The following KSR2 variants were observed in gnomAD, a reference collection of about 807,000 sequenced individuals.
The protein encoded by KSR2 is kinase suppressor of ras 2.
KSR2 carries 25 observed loss-of-function variants against 107.8 expected under a neutral mutation model. The ratio of observed to expected loss-of-function variants is 0.23; its 90% CI spans 0.17 to 0.32. KSR2 has a LOEUF of 0.32. Ranked by LOEUF, KSR2 falls within the 10% of genes least tolerant of loss-of-function variation. The probability of loss-of-function intolerance (pLI) is 1.00; values close to 1 mark genes in which losing one functional copy is unlikely to be tolerated. For synonymous variants in KSR2, 480 were observed against 507.0 expected, an observed-to-expected ratio of 0.95 and a Z score of 0.71; for missense variants, 887 against 1,268.9, an observed-to-expected ratio of 0.70 and a Z score of 4.57.
At chr12:117,798,353 C>T (rs780860673) in intron 3 of KSR2, among the ~76,000 whole-genome samples, 6 of 152,222 alleles carry the variant, frequency 3.9e-5, no homozygotes, top group Admixed American at 6.5e-5. Flanking sequence ...ACAGAGGAAG[C>T]TGGGTGTGGT....
chr12:117,837,409 G>A (rs945554669), intron 3 of KSR2, among the ~76,000 whole-genome samples: 2 of 152,180 alleles, frequency 1.3e-5, no homozygotes, highest in Non-Finnish European at 2.9e-5. Flanking sequence ...AGCTTATCGG[G>A]CAGCGCCTCC....
chr12:117,949,865 G>C (rs2137565066), intron 1 of KSR2, among the ~76,000 whole-genome samples: 1 of 152,200 alleles, frequency 6.6e-6, no homozygotes, highest in Non-Finnish European at 1.5e-5. Flanking sequence ...CTTAAGATCT[G>C]TGTGTTTCAC....
chr12:117,566,735 A>G (rs1487173871), intron 7 of KSR2, among the ~76,000 whole-genome samples: 1 of 152,196 alleles, frequency 6.6e-6, no homozygotes, highest in Non-Finnish European at 1.5e-5. Context: ...GCCAAGGGCT[A>G]TGCTAGGCAC....
intron 1 of KSR2, among the ~76,000 whole-genome samples, chr12:117,906,975 G>A (rs1894873975): frequency 6.6e-6 from 1 of 151,682 alleles, no homozygotes; most frequent in African/African-American, 2.4e-5. Flanking sequence ...AGCCATGATC[G>A]CACCACTGCA....
intron 5 of KSR2, among the ~76,000 whole-genome samples, chr12:117,601,405 T>A (rs1013175901): frequency 1.3e-5 from 2 of 152,024 alleles, no homozygotes; most frequent in Non-Finnish European, 2.9e-5. Context: ...TTTGCAGATA[T>A]AATCAAGTTA....
chr12:117,772,661 C>T (rs1454471465), intron 3 of KSR2, among the ~76,000 whole-genome samples: 1 of 148,394 alleles, frequency 6.7e-6, no homozygotes, highest in Non-Finnish European at 1.5e-5. Flanking sequence ...CACCATTCTC[C>T]CAAAGATGCA....
At chr12:117,725,976 G>T (rs894523409) in intron 4 of KSR2, among the ~76,000 whole-genome samples, 9 of 152,046 alleles carry the variant, frequency 5.9e-5, no homozygotes, top group African/African-American at 1.7e-4. Flanking sequence ...AAACTAGCCT[G>T]CCCAACATGG....
rs752197780 is a variant in KSR2 at position 117,582,409 on chromosome 12, T to C, written c.1172-50A>G. ...TTACACAGAGGGTCAGAGACTGGGG[T>C]GGGCTCTGGCAAGGCCTGGAAGGAA... is the stretch of plus-strand genomic sequence containing the variant. On this transcript the variant is annotated intron_variant, in intron 5 of 19. Coordinates refer to ENST00000339824, the MANE Select transcript of KSR2 (RefSeq NM_173598.6). The C allele has an allele frequency of 4.2e-6, 6 of 1,445,388 alleles. No homozygotes were observed. In the East Asian group the frequency reaches 1.4e-4, roughly 33 times the overall value. The allele number at this position is 1,445,388 out of a possible 1,614,324, so 89.5% of individuals were successfully genotyped here.
chr12:117,582,858 T>TG (rs1879752331), intron 5 of KSR2, among the ~76,000 whole-genome samples: 1 of 152,138 alleles, frequency 6.6e-6, no homozygotes, highest in Non-Finnish European at 1.5e-5. Context: ...AAAGTTAGAG[T>TG]GCAGTGGATT....
chr12:117,963,776 T>C (rs899986473), intron 1 of KSR2, among the ~76,000 whole-genome samples: 4 of 152,148 alleles, frequency 2.6e-5, no homozygotes, highest in African/African-American at 9.7e-5. Context: ...GGCTACCAGG[T>C]ACCCTCCATT....
At chr12:117,607,673 A>AGGG (rs1157406739) in intron 5 of KSR2, among the ~76,000 whole-genome samples, 4 of 145,698 alleles carry the variant, frequency 2.7e-5, no homozygotes, top group East Asian at 4.8e-4. Flanking sequence ...AGAGGAGAGG[A>AGGG]GAGGAGAGGA....
At chr12:117,679,816 G>A (rs2136530504) in intron 4 of KSR2, among the ~76,000 whole-genome samples, 1 of 152,300 alleles carries the variant, frequency 6.6e-6, no homozygotes, top group Middle Eastern at 3.4e-3. Flanking sequence ...GGTTCTAGAA[G>A]AACTATGGGC....
In KSR2 at chr12:117,655,038, C is replaced by T. The variant is rs184338077; in HGVS notation, c.1171+12436G>A. Among the ~76,000 whole-genome samples the T allele has an allele frequency of 5.3e-5, 8 of 152,276 alleles. No homozygotes were observed. In the South Asian group the frequency reaches 6.2e-4, roughly 12 times the overall value. On this transcript the variant is annotated intron_variant, in intron 5 of 19. Transcript: ENST00000339824. ...GCAGCAGAGACCAACACTGAGCCCTCGATATGTCACCATTCCTCAGGGTGA... is the reference window on the plus strand; with the variant it reads ...GCAGCAGAGACCAACACTGAGCCCTTGATATGTCACCATTCCTCAGGGTGA...
chr12:117,453,837 A>G lies in KSR2; in HGVS notation c.*13362T>C, dbSNP rs1870455469. ...TAATGTGACTTGCCTTATCTGCCCC[A>G]GTCAACTTCTGCTTTGGGATAGGGA... On this transcript the variant is annotated 3_prime_UTR_variant, in exon 20 of 20. Coordinates refer to ENST00000339824, the MANE Select transcript of KSR2 (RefSeq NM_173598.6). The G allele has an allele frequency of 6.6e-6, 1 of 152,116 alleles. No homozygotes were observed. Among genetic ancestry groups the G allele is most frequent in the African/African-American group, 2.4e-5 (1 of 41,420 alleles). 9.4% of individuals were successfully genotyped at this position (152,116 alleles called of 1,614,324 possible). A position where few individuals can be genotyped will look rare whatever the true frequency, so the allele number is the denominator to read the frequency against.
At chr12:117,614,743 C>G (rs1881782320) in intron 5 of KSR2, among the ~76,000 whole-genome samples, 2 of 152,144 alleles carry the variant, frequency 1.3e-5, no homozygotes, top group African/African-American at 4.8e-5. Flanking sequence ...TTAATTTACG[C>G]CTGTGAAATA....
intron 1 of KSR2, among the ~76,000 whole-genome samples, chr12:117,882,605 CCAT>C (rs999029861): frequency 7.3e-5 from 11 of 151,314 alleles, no homozygotes; most frequent in African/African-American, 2.7e-4. Flanking sequence ...AACAATCCAT[CCAT>C]CCTTCCATCT....
rs193084743 is a variant in KSR2 at position 117,875,401 on chromosome 12, T to C, written c.181-14970A>G. 1.2e-4 allele frequency among the ~76,000 whole-genome samples: 18 copies of C among 150,060 alleles called. No homozygotes were observed. The East Asian group carries it at 3.0e-3, about 25-fold the overall frequency. The stretch of plus-strand genomic sequence containing the variant: ...AGCTGGGAGGGAATGCAGGACACCA[T>C]GGGGGCCTTCTAGGGACCAGGCCCT... On this transcript the variant is annotated intron_variant, in intron 1 of 19. Coordinates refer to ENST00000339824, the MANE Select transcript of KSR2 (RefSeq NM_173598.6).
At position 117,467,912 on chromosome 12, in the gene KSR2, G is replaced by GGGTT. The variant is rs1555269496; in HGVS notation, c.2847-708_2847-707insAACC. 1.1e-4 allele frequency: 22 copies of GGGTT among 204,954 alleles called. No homozygotes were observed. The African/African-American group carries it at 2.2e-3, about 21-fold the overall frequency. The allele number at this position is 204,954 out of a possible 1,614,324, so 12.7% of individuals were successfully genotyped here. On this transcript the variant is annotated intron_variant, in intron 19 of 19. Coordinates refer to ENST00000339824, the MANE Select transcript of KSR2 (RefSeq NM_173598.6). ...CAGCATCCTATTCTGCTAGACCACA[G>GGGTT]TCCTGTGTTTTTTTTTTTTTTTTCC... is the stretch of plus-strand genomic sequence containing the variant.
intron 7 of KSR2, 129 bp from the exon 8 acceptor site, chr12:117,558,702 G>T (rs1260289536): frequency 2.2e-5 from 15 of 688,090 alleles, no homozygotes; most frequent in African/African-American, 5.3e-5. Context: ...TGGGTAGATG[G>T]ATGGGGGATA....
Sources: allele counts gnomAD v4.1 joint callset (sites outside exome capture counted in the v4.1 genomes callset), GRCh38; gene constraint gnomAD v4.1.1; transcripts MANE v1.5; gene names NCBI Gene and HGNC (gene_info 2026-07-23, HGNC 2026-07-21).